Variants in ASIC2 observed in about 807,000 individuals in gnomAD.
ASIC2 encodes the protein acid sensing ion channel subunit 2, also known as acid-sensing ion channel 2.
Under a neutral mutation model 57.3 loss-of-function variants are expected in ASIC2, and 25 were observed. That is an observed-to-expected ratio of 0.44 (90% CI 0.32 to 0.61). ASIC2 has a LOEUF of 0.61. Ranked by LOEUF, ASIC2 falls within the 20% of genes least tolerant of loss-of-function variation. ASIC2 has a pLI of 0.06. For synonymous variants in ASIC2, 319 were observed against 307.5 expected (o/e 1.04, Z -0.39); for missense variants, 641 against 738.1 (o/e 0.87, Z 1.52).
rs530880871 is a variant in ASIC2 at position 33,206,027 on chromosome 17, A to T, written c.708+85381T>A. ...AAAATGCTCTCAGGGTCAGGATGGG[A>T]GATGAGTTTCCAGGAAGTAGCACCT... is the stretch of plus-strand genomic sequence containing the variant. On this transcript the variant is annotated intron_variant, in intron 1 of 9. Coordinates refer to ENST00000225823, the MANE Select transcript of ASIC2 (RefSeq NM_183377.2). Among the ~76,000 whole-genome samples the T allele has an allele frequency of 2.0e-5, 3 of 152,324 alleles. No homozygotes were observed. In the South Asian group the frequency reaches 6.2e-4, roughly 32 times the overall value.
chr17:33,341,002 A>G (rs1907698605), intron 1 of ASIC2, among the ~76,000 whole-genome samples: 1 of 152,160 alleles, frequency 6.6e-6, no homozygotes, highest in Non-Finnish European at 1.5e-5. Flanking sequence ...TGGATAGAGA[A>G]GGGATATCAT....
chr17:33,785,560 C>G (rs1294545449), intron 1 of ASIC2, among the ~76,000 whole-genome samples: 1 of 152,194 alleles, frequency 6.6e-6, no homozygotes, highest in African/African-American at 2.4e-5. Context: ...GCCCTTACTC[C>G]TAACCACTAA....
At chr17:33,050,781 T>G (rs2141927974) in intron 3 of ASIC2, among the ~76,000 whole-genome samples, 1 of 152,132 alleles carries the variant, frequency 6.6e-6, no homozygotes, top group African/African-American at 2.4e-5. Context: ...GCCCTCCTGC[T>G]TGGTGGTGGG....
At chr17:33,298,892 G>A (rs1905832689) in intron 1 of ASIC2, among the ~76,000 whole-genome samples, 7 of 152,156 alleles carry the variant, frequency 4.6e-5, no homozygotes, top group Admixed American at 3.9e-4. Flanking sequence ...GGGATGTGAA[G>A]GACCTCTTCA....
At chr17:33,281,546 G>C (rs1260619867) in intron 1 of ASIC2, among the ~76,000 whole-genome samples, 2 of 152,062 alleles carry the variant, frequency 1.3e-5, no homozygotes, top group Non-Finnish European at 2.9e-5. Flanking sequence ...TGATTTTTAA[G>C]TTTTGAAACA....
chr17:33,059,053 T>C (rs949001028), intron 3 of ASIC2, among the ~76,000 whole-genome samples: 1 of 152,058 alleles, frequency 6.6e-6, no homozygotes, highest in African/African-American at 2.4e-5. Context: ...TGTATGGTTA[T>C]GGCTCTAAAA....
chr17:33,027,919 C>T (rs890137230), intron 4 of ASIC2, among the ~76,000 whole-genome samples: 5 of 152,224 alleles, frequency 3.3e-5, no homozygotes, highest in East Asian at 3.8e-4. Context: ...ATGTACTACA[C>T]GAGCTGCAAG....
chr17:33,370,465 T>G (rs910872826), intron 1 of ASIC2, among the ~76,000 whole-genome samples: 8 of 152,154 alleles, frequency 5.3e-5, no homozygotes, highest in Non-Finnish European at 1.0e-4. Flanking sequence ...TGCAAGGCCT[T>G]CATTAAAGAC....
At chr17:34,066,461 T>C (rs1205282248) in intron 1 of ASIC2, among the ~76,000 whole-genome samples, 1 of 152,096 alleles carries the variant, frequency 6.6e-6, no homozygotes, top group Non-Finnish European at 1.5e-5. Flanking sequence ...CCAGGTGATT[T>C]CTAATGTGCC....
At chr17:33,715,082 C>T (rs1807949522) in intron 1 of ASIC2, among the ~76,000 whole-genome samples, 1 of 151,774 alleles carries the variant, frequency 6.6e-6, no homozygotes, top group African/African-American at 2.4e-5. Flanking sequence ...TCACTACAAC[C>T]TCAAAGTCCT....
intron 1 of ASIC2, chr17:33,792,135 C>T (rs564617177): frequency 6.6e-6 from 1 of 152,294 alleles, no homozygotes; most frequent in South Asian, 2.1e-4. Flanking sequence ...AGGATGTTGT[C>T]TGTCACTACT....
chr17:33,405,526 C>T (rs1910441818), intron 1 of ASIC2, among the ~76,000 whole-genome samples: 2 of 149,886 alleles, frequency 1.3e-5, no homozygotes, highest in South Asian at 4.2e-4. Context: ...CTCTGTTGCC[C>T]AGGCTGCAGA....
chr17:33,780,127 T>C (rs994766706), intron 1 of ASIC2, among the ~76,000 whole-genome samples: 3 of 151,972 alleles, frequency 2.0e-5, no homozygotes, highest in Admixed American at 1.3e-4. Context: ...CCCGCCACCA[T>C]GCCTGCCTAA....
At chr17:33,425,354 A>G (rs1911181267) in intron 1 of ASIC2, among the ~76,000 whole-genome samples, 1 of 152,272 alleles carries the variant, frequency 6.6e-6, no homozygotes, top group South Asian at 2.1e-4. Context: ...TGCCAAAGCC[A>G]GTGATCTTTC....
chr17:33,126,877 TTGAGACG>T (rs1213769357), intron 1 of ASIC2, among the ~76,000 whole-genome samples: 1 of 142,300 alleles, frequency 7.0e-6, no homozygotes, highest in Non-Finnish European at 1.5e-5. Flanking sequence ...TTTTTTTTTT[TTGAGACG>T]GAGTCTCGCT....
chr17:33,044,751 A>G (rs2091945516), intron 3 of ASIC2, among the ~76,000 whole-genome samples: 1 of 152,210 alleles, frequency 6.6e-6, no homozygotes, highest in Admixed American at 6.5e-5. Context: ...TCCTACACCC[A>G]TGGGGTTTAG....
At chr17:33,171,335 T>G (rs1318184799) in intron 1 of ASIC2, among the ~76,000 whole-genome samples, 1 of 152,198 alleles carries the variant, frequency 6.6e-6, no homozygotes, top group African/African-American at 2.4e-5. Flanking sequence ...ACTTAATATG[T>G]TTTAGTAGTC....
At chr17:33,049,954 C>A (rs1009982776) in intron 3 of ASIC2, among the ~76,000 whole-genome samples, 2 of 152,058 alleles carry the variant, frequency 1.3e-5, no homozygotes, top group African/African-American at 2.4e-5. Context: ...CTCTTTTGTG[C>A]CACTGGACTA....
chr17:33,945,369 G>C (rs2141981467), intron 1 of ASIC2, among the ~76,000 whole-genome samples: 1 of 151,596 alleles, frequency 6.6e-6, no homozygotes, highest in African/African-American at 2.4e-5. Context: ...AGCAGCACTA[G>C]GGTCATGACC....
Sources: allele counts gnomAD v4.1 joint callset (sites outside exome capture counted in the v4.1 genomes callset), GRCh38; gene constraint gnomAD v4.1.1; transcripts MANE v1.5; gene names NCBI Gene and HGNC (gene_info 2026-07-23, HGNC 2026-07-21).